The following SDK1 variants were observed in gnomAD, a reference collection of about 807,000 sequenced individuals.
SDK1 encodes the protein protein sidekick-1.
SDK1 carries 157 observed loss-of-function variants against 245.5 expected under a neutral mutation model. The ratio of observed to expected loss-of-function variants is 0.64; its 90% confidence interval spans 0.56 to 0.73. The LOEUF (loss-of-function observed/expected upper bound fraction) is 0.73. Among genes scored for constraint, SDK1 ranks in the 30% least tolerant of loss-of-function variants. SDK1 has a pLI of 0.00. For synonymous variants in SDK1, 1,647 were observed against 1,278.5 expected, an observed-to-expected ratio of 1.29 and a Z score of -6.15; for missense variants, 3,583 against 3,002.3, an observed-to-expected ratio of 1.19 and a Z score of -4.52.
rs140656639 is a variant in SDK1, at chr7:3,439,626, A to T, written c.298+137742A>T. On this transcript the variant is annotated intron_variant, in intron 1 of 44. Transcript: ENST00000404826. ...GGCATAGTTAATACTTTCTAATGGG[A>T]TTTAAAAAGTCAGTACATTTCTCTT... 3.0e-3 allele frequency among the ~76,000 whole-genome samples: 461 copies of T among 152,346 alleles called. 2 individuals carry two copies. Among genetic ancestry groups the T allele is most frequent in the African/African-American group, 0.01 (432 of 41,566 alleles).
At chr7:4,070,976 T>C (rs1780221555) in intron 20 of SDK1, among the ~76,000 whole-genome samples, 1 of 151,268 alleles carries the variant, frequency 6.6e-6, no homozygotes, top group Admixed American at 6.6e-5. Flanking sequence ...TCCCAAAGTG[T>C]GCTGTGCCTC....
At position 4,067,872 on chromosome 7, in the gene SDK1, G is replaced by C; in HGVS notation, c.2946G>C (p.Glu982Asp). The C allele has an allele frequency of 6.2e-7, 1 of 1,613,404 alleles. No individual in the cohort carries two copies. The highest frequency in any genetic ancestry group is 8.5e-7 in the Non-Finnish European group (1 of 1,179,798). Reference sequence around the variant, plus strand: ...CTGTGGGACATCTGAGTTTCACAGAGATCTTGGACACATCTCTCAAGGTCA... The same window carrying C: ...CTGTGGGACATCTGAGTTTCACAGACATCTTGGACACATCTCTCAAGGTCA... ...PGAVGHLSFTEILDTSLKVSW... is the reference protein window; with the variant it reads ...PGAVGHLSFTDILDTSLKVSW... The change falls in exon 20 of 45, where the codon GAG becomes GAC. Residue 982 changes from glutamate (E) to aspartate (D), a missense_variant. Transcript: ENST00000404826.
chr7:3,763,899 A>G (rs1239275259), intron 4 of SDK1, among the ~76,000 whole-genome samples: 1 of 152,178 alleles, frequency 6.6e-6, no homozygotes, highest in African/African-American at 2.4e-5. Flanking sequence ...CGTGTCCTAT[A>G]AGTCCATTAA....
chr7:3,462,796 T>C (rs1240943021), intron 1 of SDK1, among the ~76,000 whole-genome samples: 1 of 152,196 alleles, frequency 6.6e-6, no homozygotes, highest in Non-Finnish European at 1.5e-5. Context: ...CTTGGCCAAC[T>C]GTAGTAGATG....
intron 19 of SDK1, among the ~76,000 whole-genome samples, chr7:4,061,443 C>T (rs1339245691): frequency 6.6e-6 from 1 of 152,082 alleles, no homozygotes; most frequent in Non-Finnish European, 1.5e-5. Flanking sequence ...TACCATCTCA[C>T]ACCAGTTAGA....
chr7:3,421,563 T>C (rs914663303), intron 1 of SDK1, among the ~76,000 whole-genome samples: 2 of 152,238 alleles, frequency 1.3e-5, no homozygotes, highest in Admixed American at 1.3e-4. Flanking sequence ...GGTTTAGTTT[T>C]CAGTATTGAG....
rs1782669052 is a variant in SDK1, at chr7:3,642,069, T to A, written c.677T>A (p.Phe226Tyr). Residue 226 changes from phenylalanine to tyrosine, a missense_variant, in exon 4 of 45, where the codon TTT becomes TAT. Transcript: ENST00000404826. ...TSYPRPQVTW[F>Y]REGHKIIPSN... ...TACCCCAGACCTCAAGTGACTTGGTTTAGAGAAGGGCACAAGATTATTCCA... is the reference window on the plus strand; with the variant it reads ...TACCCCAGACCTCAAGTGACTTGGTATAGAGAAGGGCACAAGATTATTCCA... The A allele has an allele frequency of 1.2e-6, 2 of 1,614,194 alleles. No homozygotes were observed. Among genetic ancestry groups the A allele is most frequent in the Non-Finnish European group, 1.7e-6 (2 of 1,180,026 alleles).
At chr7:4,064,749 G>T (rs1340358832) in intron 19 of SDK1, among the ~76,000 whole-genome samples, 1 of 152,150 alleles carries the variant, frequency 6.6e-6, no homozygotes, top group Non-Finnish European at 1.5e-5. Flanking sequence ...ATGAAATCCT[G>T]TCATTTGCAG....
chr7:3,535,579 A>G (rs1265332364), intron 1 of SDK1, among the ~76,000 whole-genome samples: 1 of 152,186 alleles, frequency 6.6e-6, no homozygotes, highest in East Asian at 1.9e-4. Flanking sequence ...TCTCAGCTGT[A>G]AAGCGCGGGC....
At chr7:3,633,374 G>T (rs1782357356) in intron 2 of SDK1, among the ~76,000 whole-genome samples, 2 of 152,184 alleles carry the variant, frequency 1.3e-5, no homozygotes, top group South Asian at 2.1e-4. Flanking sequence ...CACTGACGCT[G>T]TGGTTTTGGC....
At chr7:4,036,825 A>G (rs1390404361) in intron 17 of SDK1, among the ~76,000 whole-genome samples, 2 of 152,222 alleles carry the variant, frequency 1.3e-5, no homozygotes, top group Non-Finnish European at 2.9e-5. Flanking sequence ...AGTCTTGGCC[A>G]TCCCAGCTTG....
intron 20 of SDK1, among the ~76,000 whole-genome samples, chr7:4,070,618 C>T (rs1485668648): frequency 6.6e-6 from 1 of 152,220 alleles, no homozygotes; most frequent in Non-Finnish European, 1.5e-5. Flanking sequence ...GTAGAATCTC[C>T]TGTAATCATC....
Position 4,139,523 on chromosome 7 carries a change from G to GTATA in SDK1, c.4229-6196_4229-6195insATAT, listed in dbSNP as rs549854604. ...TGTGTGTATATGTATATATGTGTGT[G>GTATA]TATGTGTGTGTGTATATATGTGTGT... On this transcript the variant is annotated intron_variant, in intron 28 of 44. Transcript: ENST00000404826. 4.9e-4 allele frequency among the ~76,000 whole-genome samples: 5 copies of GTATA among 10,198 alleles called. 1 individual carries two copies. The highest frequency in any genetic ancestry group is 8.0e-4 in the African/African-American group (5 of 6,262). 6.7% of individuals were successfully genotyped at this position (10,198 alleles called of 152,430 possible). A position where few individuals can be genotyped will look rare whatever the true frequency, so the allele number is the denominator to read the frequency against.
At chr7:3,766,959 G>C (rs1042241627) in intron 4 of SDK1, among the ~76,000 whole-genome samples, 3 of 152,158 alleles carry the variant, frequency 2.0e-5, no homozygotes, top group Non-Finnish European at 4.4e-5. Flanking sequence ...ATGTTATATA[G>C]AGCATTGGGT....
chr7:4,267,101 G>T lies in SDK1; in HGVS notation c.*1717G>T. The T allele has an allele frequency of 1.0e-6, 1 of 985,464 alleles. No homozygotes were observed. The highest frequency in any genetic ancestry group is 1.2e-6 in the Non-Finnish European group (1 of 829,954). The allele number at this position is 985,464 out of a possible 1,614,324, so 61.0% of individuals were successfully genotyped here. A position where few individuals can be genotyped will look rare whatever the true frequency, so the allele number is the denominator to read the frequency against. ...GTATGGCCCCAGGAGACCAAGGAGA[G>T]TTTTGTATAGGCTGGAAAACCCCTT... On this transcript the variant is annotated 3_prime_UTR_variant, in exon 45 of 45. Transcript: ENST00000404826.
intron 1 of SDK1, among the ~76,000 whole-genome samples, chr7:3,535,841 A>G (rs1033270328): frequency 3.9e-5 from 6 of 152,130 alleles, no homozygotes; most frequent in African/African-American, 1.4e-4. Flanking sequence ...ATTCTCATCC[A>G]TGTGTCAATA....
intron 14 of SDK1, among the ~76,000 whole-genome samples, chr7:3,996,977 G>A (rs4720147): frequency 0.45 from 67,764 of 151,896 alleles, 17,083 homozygotes; most frequent in African/African-American, 0.7. Context: ...CAAAATGCAG[G>A]GAGCTTAAGG....
At chr7:3,328,236 A>T (rs573147955) in intron 1 of SDK1, among the ~76,000 whole-genome samples, 3 of 152,300 alleles carry the variant, frequency 2.0e-5, no homozygotes, top group African/African-American at 7.2e-5. Context: ...TTTTCACTTT[A>T]TCCAATCTGA....
At chr7:3,984,006 G>T (rs1783621731) in intron 13 of SDK1, among the ~76,000 whole-genome samples, 1 of 152,182 alleles carries the variant, frequency 6.6e-6, no homozygotes. Context: ...TGCTTTCTAA[G>T]TTTTTAAGTA....
Sources: allele counts gnomAD v4.1 joint callset (sites outside exome capture counted in the v4.1 genomes callset), GRCh38; gene constraint gnomAD v4.1.1; transcripts MANE v1.5; gene names NCBI Gene and HGNC (gene_info 2026-07-23, HGNC 2026-07-21).